CARS1: variants seen among roughly 807,000 people sequenced by gnomAD.
CARS1 encodes cysteinyl-tRNA synthetase 1.
In CARS1, 48 loss-of-function variants were observed where a neutral mutation model predicts 106.2. The observed-to-expected ratio is 0.45, with a 90% CI of 0.36 to 0.57. The LOEUF is 0.57. CARS1 is among the 20% of genes least tolerant of loss of function. The pLI is 0.00. For missense variants in CARS1, 968 were observed against 1,057.2 expected (o/e 0.92, Z 1.17); for synonymous variants, 409 against 403.4 (o/e 1.01, Z -0.17).
In CARS1 at chr11:3,053,333, C is replaced by T. The variant is rs56353714; in HGVS notation, c.25+4010G>A. Among the ~76,000 whole-genome samples the T allele has an allele frequency of 0.11, 16,917 of 152,044 alleles. 1,163 individuals are homozygous for T. Among genetic ancestry groups the T allele is most frequent in the African/African-American group, 0.19 (7,702 of 41,432 alleles). Reference sequence around the variant, plus strand: ...GCAAACTCTGCCTCCCGGGTTCAAGCGATTCTCCTGCCTCAGCCTCCCGAG... The same window carrying T: ...GCAAACTCTGCCTCCCGGGTTCAAGTGATTCTCCTGCCTCAGCCTCCCGAG... On this transcript the variant is annotated intron_variant, in intron 1 of 22. Coordinates refer to ENST00000380525, the MANE Select transcript of CARS1 (RefSeq NM_001014437.3). This position sits in a 1 kb window ranked among gnomAD's most constrained non-coding sequence, Gnocchi z 6.6.
chr11:3,005,059 G>C (rs1849723825), intron 20 of CARS1, among the ~76,000 whole-genome samples: 1 of 134,704 alleles, frequency 7.4e-6, no homozygotes, highest in South Asian at 2.3e-4. Flanking sequence ...AGTGAGCCAA[G>C]ATCGTGCCAC....
chr11:3,002,662 G>A (rs1849502943), intron 20 of CARS1, 62 bp from the exon 21 acceptor site: 2 of 1,607,594 alleles, frequency 1.2e-6, no homozygotes, highest in East Asian at 4.5e-5. Context: ...GTCTCTCGGA[G>A]TGAGAGGTCT....
Position 3,042,230 on chromosome 11 carries a change from A to G in CARS1, c.301T>C (p.Trp101Arg). The G allele has an allele frequency of 6.2e-7, 1 of 1,613,398 alleles. No homozygotes were observed. Among genetic ancestry groups the G allele is most frequent in the Non-Finnish European group, 8.5e-7 (1 of 1,179,974 alleles). Residue 101 changes from tryptophan to arginine, a missense_variant, in exon 3 of 23, where the codon TGG becomes CGG. Coordinates refer to ENST00000380525, the MANE Select transcript of CARS1 (RefSeq NM_001014437.3). ...GGCTGGGTCCCAGCAGGAGGGGACC[A>G]CTGGGGCTGCACACGCCGGCCTTTG... ...ASKGRRVQPQ[W>R]SPPAGTQPCR...
Position 3,039,754 on chromosome 11 carries a change from ATTATTTAC to A in CARS1, c.552+73_552+80del. On this transcript the variant is annotated intron_variant, in intron 5 of 22. Coordinates refer to ENST00000380525, the MANE Select transcript of CARS1 (RefSeq NM_001014437.3). This position sits in a 1 kb window ranked among gnomAD's most constrained non-coding sequence, Gnocchi z 5.6. ...AAAACACAAGCTAGCTCAAGCCTAC[ATTATTTAC>A]TTATGCGAAAGTTCTATCTTCTTTT... is the stretch of plus-strand genomic sequence containing the variant. 1.5e-6 allele frequency: 1 copy of A among 688,518 alleles called. No homozygotes were observed. 42.7% of individuals were successfully genotyped at this position (688,518 alleles called of 1,614,324 possible). A position where few individuals can be genotyped will look rare whatever the true frequency, so the allele number is the denominator to read the frequency against.
intron 14 of CARS1, chr11:3,018,177 G>A (rs1469285432): frequency 2.3e-5 from 14 of 610,672 alleles, no homozygotes; most frequent in Admixed American, 1.8e-4. Context: ...TCAGAAGGAC[G>A]TGCACTGCAG....
rs187262497 is a variant in CARS1, at chr11:3,001,552, T to C, written c.2362-304A>G. On this transcript the variant is annotated intron_variant, in intron 22 of 22. Transcript: ENST00000380525. The stretch of plus-strand genomic sequence containing the variant: ...CTGACACAGCTGGCCCAAAGGTACA[T>C]AGCAAACACATCCAAATGCCAGCAG... 9.5e-4 allele frequency among the ~76,000 whole-genome samples: 145 copies of C among 152,282 alleles called. 1 individual carries two copies. The highest frequency in any genetic ancestry group is 1.0e-3 in the Admixed American group (16 of 15,304).
At chr11:3,051,609 C>T (rs1050692596) in intron 1 of CARS1, among the ~76,000 whole-genome samples, 1 of 152,208 alleles carries the variant, frequency 6.6e-6, no homozygotes, top group Non-Finnish European at 1.5e-5. Flanking sequence ...GGATATTTCC[C>T]TCCAACAGCT....
At position 3,021,658 on chromosome 11, in the gene CARS1, T is replaced by C. The variant is rs1851579728; in HGVS notation, c.1154-1326A>G. On this transcript the variant is annotated intron_variant, in intron 10 of 22. Transcript: ENST00000380525. This position sits in a 1 kb window ranked among gnomAD's most constrained non-coding sequence, Gnocchi z 5.3. Reference sequence around the variant, plus strand: ...TAGGAAAAAAATTGCCATTATCTTTTAACCTAGGAATTACTACTGTTACCA... The same window carrying C: ...TAGGAAAAAAATTGCCATTATCTTTCAACCTAGGAATTACTACTGTTACCA... Among the ~76,000 whole-genome samples, 1 of 152,260 alleles carries C rather than the reference T, an allele frequency of 6.6e-6. No individual in the cohort carries two copies. The highest frequency in any genetic ancestry group is 1.5e-5 in the Non-Finnish European group (1 of 68,044).
At chr11:3,042,430 C>G (rs1364801323) in intron 2 of CARS1, 174 bp from the exon 3 acceptor site, 6 of 508,478 alleles carry the variant, frequency 1.2e-5, no homozygotes, top group Non-Finnish European at 2.1e-5. Flanking sequence ...ACAACTGCGT[C>G]TTTTTTTTTT....
rs575801602 is a variant in CARS1 at position 3,008,452 on chromosome 11, C to G, written c.2069-1493G>C. The G allele has an allele frequency of 3.3e-5, 5 of 152,184 alleles. No individual in the cohort carries two copies. Among genetic ancestry groups the G allele is most frequent in the African/African-American group, 1.2e-4 (5 of 41,510 alleles). The allele number at this position is 152,184 out of a possible 1,614,324, so 9.4% of individuals were successfully genotyped here. On this transcript the variant is annotated intron_variant, in intron 18 of 22. Transcript: ENST00000380525. This position sits in a 1 kb window ranked among gnomAD's most constrained non-coding sequence, Gnocchi z 5.1. ...TGGCCAACATGGTGAAACCCCATCT[C>G]TACTAAAAATACAAAAACTATCTGG... is the stretch of plus-strand genomic sequence containing the variant.
chr11:3,023,309 G>A (rs998107488), intron 10 of CARS1, among the ~76,000 whole-genome samples: 5 of 152,080 alleles, frequency 3.3e-5, no homozygotes, highest in Non-Finnish European at 7.4e-5. Flanking sequence ...AGTTGTTCAC[G>A]GCTTCCTCTA....
Position 3,026,774 on chromosome 11 carries a change from T to C in CARS1, c.1055A>G (p.Tyr352Cys). 6.2e-7 allele frequency: 1 copy of C among 1,613,324 alleles called. No individual in the cohort carries two copies. The highest frequency in any genetic ancestry group is 8.5e-7 in the Non-Finnish European group (1 of 1,179,648). ...AGAAGCAAACTTCGCTGTATCAAAG[T>C]AGACAGACCCATTGGAGACATAGCT... The part of the protein sequence containing the change: ...GYGYVSNGSV[Y>C]FDTAKFASSE... Residue 352 changes from tyrosine to cysteine, a missense_variant, in exon 10 of 23, where the codon TAC becomes TGC. Physicochemically the swap from Tyr to Cys is radical, Grantham distance 194 (BLOSUM62 -2). Transcript: ENST00000380525.
At chr11:3,010,587 C>A (rs557652754) in intron 18 of CARS1, among the ~76,000 whole-genome samples, 71 of 152,358 alleles carry the variant, frequency 4.7e-4, no homozygotes, top group Middle Eastern at 3.4e-3. Context: ...CTCAGTCAGG[C>A]CCAGGCCCCT....
Position 3,017,211 on chromosome 11 carries a change from C to A in CARS1, c.1812G>T (p.Leu604Phe). ...TRTVMEEMRA[L>F]VSQCNLYMAA... is the part of the protein sequence containing the mutation. ...CCATATAGAGGTTGCACTGACTGACCAAGGCCCGCATCTCTTCCATGACGG... is the reference window on the plus strand; with the variant it reads ...CCATATAGAGGTTGCACTGACTGACAAAGGCCCGCATCTCTTCCATGACGG... Residue 604 changes from leucine to phenylalanine, a missense_variant, in exon 16 of 23, where the codon TTG becomes TTT. Transcript: ENST00000380525. The surrounding 1 kb of genome is among the most constrained non-coding windows in gnomAD (Gnocchi z 4.9). 1.2e-6 allele frequency: 2 copies of A among 1,614,186 alleles called. No homozygotes were observed. Among genetic ancestry groups the A allele is most frequent in the Non-Finnish European group, 1.7e-6 (2 of 1,179,992 alleles).
chr11:3,025,310 C>G (rs956450754), intron 10 of CARS1, among the ~76,000 whole-genome samples: 1 of 152,208 alleles, frequency 6.6e-6, no homozygotes, highest in African/African-American at 2.4e-5. Flanking sequence ...TCACTATAAC[C>G]TCTGCCTCCT....
At chr11:3,018,297 G>C in intron 14 of CARS1, 111 bp downstream of exon 14, 1 of 708,916 alleles carries the variant, frequency 1.4e-6, no homozygotes, top group East Asian at 2.7e-5. Context: ...CCCATGTGCT[G>C]GTCTCCATTA....
Position 3,028,211 on chromosome 11 carries a change from G to C in CARS1, c.1031+785C>G. On this transcript the variant is annotated intron_variant, in intron 9 of 22. Coordinates refer to ENST00000380525, the MANE Select transcript of CARS1 (RefSeq NM_001014437.3). The surrounding 1 kb of genome is among the most constrained non-coding windows in gnomAD (Gnocchi z 4.4). ...GTCCAGTGGACACGTGACCCACGTG[G>C]CCTTACCTATCATTGAAGATGGCTC... 2.8e-6 allele frequency: 1 copy of C among 362,168 alleles called. No homozygotes were observed. Among genetic ancestry groups the C allele is most frequent in the South Asian group, 2.5e-5 (1 of 39,898 alleles). 22.4% of individuals were successfully genotyped at this position (362,168 alleles called of 1,614,324 possible). A position where few individuals can be genotyped will look rare whatever the true frequency, so the allele number is the denominator to read the frequency against.
Position 3,039,079 on chromosome 11 carries a change from C to T in CARS1, c.651+115G>A. ...CCCCTGACGGAACTGGCTTGAGTAACATACACTTTGTGAAAGCCTGTGAGA... is the reference window on the plus strand; with the variant it reads ...CCCCTGACGGAACTGGCTTGAGTAATATACACTTTGTGAAAGCCTGTGAGA... On this transcript the variant is annotated intron_variant, in intron 6 of 22. Coordinates refer to ENST00000380525, the MANE Select transcript of CARS1 (RefSeq NM_001014437.3). The surrounding 1 kb of genome is among the most constrained non-coding windows in gnomAD (Gnocchi z 5.6). 2 of 689,296 alleles carry T rather than the reference C, an allele frequency of 2.9e-6. No homozygotes were observed. Among genetic ancestry groups the T allele is most frequent in the Non-Finnish European group, 5.0e-6 (2 of 397,768 alleles). 42.7% of individuals were successfully genotyped at this position (689,296 alleles called of 1,614,324 possible). A position where few individuals can be genotyped will look rare whatever the true frequency, so the allele number is the denominator to read the frequency against.
chr11:3,017,982 C>T lies in CARS1; in HGVS notation c.1630-28G>A. 6.8e-7 allele frequency: 1 copy of T among 1,466,146 alleles called. No homozygotes were observed. Among genetic ancestry groups the T allele is most frequent in the South Asian group, 1.2e-5 (1 of 86,814 alleles). 90.8% of individuals were successfully genotyped at this position (1,466,146 alleles called of 1,614,324 possible). A position where few individuals can be genotyped will look rare whatever the true frequency, so the allele number is the denominator to read the frequency against. On this transcript the variant is annotated intron_variant, in intron 14 of 22. Coordinates refer to ENST00000380525, the MANE Select transcript of CARS1 (RefSeq NM_001014437.3). This position sits in a 1 kb window ranked among gnomAD's most constrained non-coding sequence, Gnocchi z 4.9. ...GAAGTTAGAAAAATCAGTTTAACAG[C>T]ATTTAGGCAACTTTTCCATCCTGAA...
Sources: allele counts gnomAD v4.1 joint callset (sites outside exome capture counted in the v4.1 genomes callset), GRCh38; gene constraint gnomAD v4.1.1; non-coding constraint Gnocchi (gnomAD v3.1); transcripts MANE v1.5; gene names NCBI Gene and HGNC (gene_info 2026-07-23, HGNC 2026-07-21).